CNTN1: variants seen among roughly 807,000 people sequenced by gnomAD.
The protein encoded by CNTN1 is contactin 1.
A neutral mutation model predicts 126.4 loss-of-function variants in CNTN1; 38 were observed. The ratio of observed to expected loss-of-function variants is 0.30; its 90% CI spans 0.23 to 0.39. The LOEUF is 0.39. Among genes scored for constraint, CNTN1 ranks in the 10% least tolerant of loss-of-function variants. The pLI, the probability that CNTN1 is intolerant of heterozygous loss-of-function variation, is 1.00. For missense variants in CNTN1, 1,009 were observed against 1,248.4 expected (o/e 0.81, Z 2.89); for synonymous variants, 413 against 422.6 (o/e 0.98, Z 0.28).
chr12:40,971,486 C>T (rs779041716), intron 15 of CNTN1: 15 of 1,596,780 alleles, frequency 9.4e-6, no homozygotes, highest in Non-Finnish European at 9.3e-6. Context: ...TTCTCCCCGT[C>T]TGTGCAAGCC....
At chr12:40,705,369 T>C (rs11177927) in intron 1 of CNTN1, among the ~76,000 whole-genome samples, 30,756 of 152,118 alleles carry the variant, frequency 0.2, 3,247 homozygotes, top group Middle Eastern at 0.28. Context: ...TCAGCTTGCG[T>C]ATGCTTATAT....
intron 1 of CNTN1, among the ~76,000 whole-genome samples, chr12:40,792,415 T>G (rs906193132): frequency 6.6e-6 from 1 of 152,128 alleles, no homozygotes; most frequent in African/African-American, 2.4e-5. Context: ...TCTTTTTTAC[T>G]TTTAAAATCT....
chr12:40,829,827 G>T (rs567878848), intron 1 of CNTN1, among the ~76,000 whole-genome samples: 1 of 152,296 alleles, frequency 6.6e-6, no homozygotes, highest in South Asian at 2.1e-4. Context: ...CCTGGCTGAG[G>T]TGGCTGATTA....
Position 41,002,649 on chromosome 12 carries a change from C to T in CNTN1, c.2113+9380C>T, listed in dbSNP as rs1196671087. Among the ~76,000 whole-genome samples, 20 of 151,360 alleles carry T rather than the reference C, an allele frequency of 1.3e-4. No homozygotes were observed. In the East Asian group the frequency reaches 3.7e-3, roughly 28 times the overall value. ...CTCCGCTCACTGCAACCTCTGCCTCCCGGTTTAACGCCATTCTCCTGCCTC... is the reference window on the plus strand; with the variant it reads ...CTCCGCTCACTGCAACCTCTGCCTCTCGGTTTAACGCCATTCTCCTGCCTC... On this transcript the variant is annotated intron_variant, in intron 17 of 23. Coordinates refer to ENST00000551295, the MANE Select transcript of CNTN1 (RefSeq NM_001843.4).
intron 1 of CNTN1, among the ~76,000 whole-genome samples, chr12:40,817,475 C>CTTTTTTTT (rs758574869): frequency 7.4e-5 from 3 of 40,726 alleles, no homozygotes; most frequent in Non-Finnish European, 8.8e-5. Context: ...GCAACCCCTG[C>CTTTTTTTT]TTTTTTTTTT....
intron 17 of CNTN1, among the ~76,000 whole-genome samples, chr12:41,012,588 A>AT (rs1948687838): frequency 6.6e-6 from 1 of 152,206 alleles, no homozygotes; most frequent in African/African-American, 2.4e-5. Flanking sequence ...CCAGCCCCAC[A>AT]TGACGGCTGA....
chr12:40,849,977 CTA>C (rs1165502755), intron 1 of CNTN1, among the ~76,000 whole-genome samples: 4 of 150,654 alleles, frequency 2.7e-5, no homozygotes, highest in African/African-American at 4.9e-5. Context: ...TTAGTGAGAT[CTA>C]TATATATATA....
chr12:40,848,127 G>T (rs1942585070), intron 1 of CNTN1, among the ~76,000 whole-genome samples: 1 of 152,132 alleles, frequency 6.6e-6, no homozygotes, highest in Non-Finnish European at 1.5e-5. Flanking sequence ...CCCTGTTCTA[G>T]AGTTTCTAAA....
chr12:40,889,618 C>A (rs1187004155), intron 1 of CNTN1, among the ~76,000 whole-genome samples: 4 of 151,982 alleles, frequency 2.6e-5, no homozygotes, highest in African/African-American at 9.7e-5. Flanking sequence ...ATTATTTAAT[C>A]ATAAAATGTA....
At chr12:40,912,877 G>C (rs988050557) in intron 3 of CNTN1, among the ~76,000 whole-genome samples, 11 of 152,108 alleles carry the variant, frequency 7.2e-5, no homozygotes, top group African/African-American at 2.7e-4. Flanking sequence ...AAATAGACTA[G>C]AGTTAGACTG....
chr12:41,002,644 G>T (rs985170450), intron 17 of CNTN1, among the ~76,000 whole-genome samples: 2 of 145,670 alleles, frequency 1.4e-5, no homozygotes, highest in South Asian at 2.1e-4. Flanking sequence ...TGCAACCTCT[G>T]CCTCCCGGTT....
intron 1 of CNTN1, among the ~76,000 whole-genome samples, chr12:40,885,620 A>G (rs1242677993): frequency 6.6e-6 from 1 of 152,014 alleles, no homozygotes; most frequent in African/African-American, 2.4e-5. Flanking sequence ...GAGAACTCCA[A>G]TGAGAATTAA....
Position 40,924,700 on chromosome 12 carries a change from A to G in CNTN1, c.496+48A>G, listed in dbSNP as rs200290654. ...TATTAGCATCTATGAAACAAAATGG[A>G]CAAGTTTCCATTTTCTTAGTAATAA... On this transcript the variant is annotated intron_variant, in intron 6 of 23. Coordinates refer to ENST00000551295, the MANE Select transcript of CNTN1 (RefSeq NM_001843.4). 46 of 987,256 alleles carry G rather than the reference A, an allele frequency of 4.7e-5. No homozygotes were observed. In the African/African-American group the frequency reaches 6.0e-4, roughly 13 times the overall value. The allele number at this position is 987,256 out of a possible 1,614,324, so 61.2% of individuals were successfully genotyped here.
intron 1 of CNTN1, among the ~76,000 whole-genome samples, chr12:40,698,697 G>A (rs1439499101): frequency 6.6e-6 from 1 of 151,886 alleles, no homozygotes; most frequent in African/African-American, 2.4e-5. Flanking sequence ...CAATTTCATC[G>A]TATTCTTCCT....
At chr12:40,953,779 G>A (rs1946769958) in intron 14 of CNTN1, among the ~76,000 whole-genome samples, 1 of 148,796 alleles carries the variant, frequency 6.7e-6, no homozygotes, top group South Asian at 2.1e-4. Flanking sequence ...ACATGTGACA[G>A]TATAAGAAGA....
chr12:40,787,185 T>G (rs1438118806), intron 1 of CNTN1, among the ~76,000 whole-genome samples: 1 of 152,150 alleles, frequency 6.6e-6, no homozygotes, highest in African/African-American at 2.4e-5. Flanking sequence ...CTCTCAATTG[T>G]TTATCACTTA....
chr12:40,972,643 TC>T, intron 15 of CNTN1: 1 of 943,528 alleles, frequency 1.1e-6, no homozygotes, highest in Non-Finnish European at 1.3e-6. Context: ...CTTATTTCCT[TC>T]TTTTATATTT....
chr12:40,809,711 G>A (rs1204548893), intron 1 of CNTN1, among the ~76,000 whole-genome samples: 8 of 151,940 alleles, frequency 5.3e-5, no homozygotes, highest in Non-Finnish European at 1.5e-5. Context: ...AGCTACTCAG[G>A]AGGCTGAGGC....
At chr12:40,736,350 A>G (rs372090745) in intron 1 of CNTN1, among the ~76,000 whole-genome samples, 1 of 152,102 alleles carries the variant, frequency 6.6e-6, no homozygotes, top group East Asian at 1.9e-4. Context: ...AATAGACCAA[A>G]AGTAATGCAT....
Sources: allele counts gnomAD v4.1 joint callset (sites outside exome capture counted in the v4.1 genomes callset), GRCh38; gene constraint gnomAD v4.1.1; transcripts MANE v1.5; gene names NCBI Gene and HGNC (gene_info 2026-07-23, HGNC 2026-07-21).